Variants in USP33 observed in about 807,000 individuals in gnomAD.
USP33 encodes ubiquitin carboxyl-terminal hydrolase 33.
USP33 carries 46 observed loss-of-function variants against 124.2 expected under a neutral mutation model. That is an observed-to-expected ratio of 0.37 (90% CI 0.29 to 0.47). The LOEUF is 0.47. USP33 is among the 20% of genes least tolerant of loss of function. USP33 has a pLI of 0.99. For synonymous variants in USP33, 350 were observed against 352.3 expected, an observed-to-expected ratio of 0.99 and a Z score of 0.07; for missense variants, 851 against 1,070.6, an observed-to-expected ratio of 0.79 and a Z score of 2.86.
At chr1:77,716,993 G>C (rs1675989947) in intron 17 of USP33, among the ~76,000 whole-genome samples, 1 of 151,518 alleles carries the variant, frequency 6.6e-6, no homozygotes, top group South Asian at 2.1e-4. Flanking sequence ...AGCCTCCCGA[G>C]TAGCTGGGAT....
chr1:77,724,068 T>C (rs531664515), intron 11 of USP33, among the ~76,000 whole-genome samples: 1 of 152,088 alleles, frequency 6.6e-6, no homozygotes, highest in South Asian at 2.1e-4. Context: ...GCTTCATCAC[T>C]GGGATGTTTA....
chr1:77,737,830 G>C (rs1390025043), intron 5 of USP33, among the ~76,000 whole-genome samples: 1 of 152,164 alleles, frequency 6.6e-6, no homozygotes, highest in African/African-American at 2.4e-5. Context: ...AAGTGATGCT[G>C]ATAGTTTTGC....
chr1:77,711,642 A>C (rs1675274512), intron 21 of USP33, 105 bp downstream of exon 21: 4 of 1,516,144 alleles, frequency 2.6e-6, no homozygotes, highest in Non-Finnish European at 2.6e-6. Flanking sequence ...CTTGAAATCT[A>C]TTACAACTCT....
In USP33 at chr1:77,717,971, G is replaced by A. The variant is rs552478846; in HGVS notation, c.1814C>T (p.Pro605Leu). 29 of 1,613,724 alleles carry A rather than the reference G, an allele frequency of 1.8e-5. No homozygotes were observed. The highest frequency in any genetic ancestry group is 2.2e-5 in the East Asian group (1 of 44,878). Residue 605 changes from proline to leucine, a missense_variant, in exon 17 of 24, where the codon CCG (proline) becomes CTG (leucine). Around this residue, in one of 4 missense-constraint regions of USP33, gnomAD observed 281 missense variants for 425.0 expected, o/e 0.66. Coordinates refer to ENST00000370794, the MANE Select transcript of USP33 (RefSeq NM_201624.3). ...STKISTHVSF[P>L]LEGLDLQPFL... ...TGGCTGAAGATCCAAGCCTTCTAGCGGAAATGAAACATGGGTACTGATTTT... is the reference window on the plus strand; with the variant it reads ...TGGCTGAAGATCCAAGCCTTCTAGCAGAAATGAAACATGGGTACTGATTTT...
chr1:77,711,282 C>A (rs973747464), intron 21 of USP33, among the ~76,000 whole-genome samples: 2 of 151,980 alleles, frequency 1.3e-5, no homozygotes, highest in Admixed American at 6.6e-5. Flanking sequence ...AATCCCAGTA[C>A]TTTGTGGGGC....
At chr1:77,713,499 C>CCTG (rs1675505530) in intron 19 of USP33, 1 of 450,354 alleles carries the variant, frequency 2.2e-6, no homozygotes, top group East Asian at 4.6e-5. Flanking sequence ...ATCCTCCCAC[C>CCTG]CCAGCGTCCT....
chr1:77,737,171 C>T (rs1008648013), intron 5 of USP33, among the ~76,000 whole-genome samples: 1 of 152,020 alleles, frequency 6.6e-6, no homozygotes, highest in African/African-American at 2.4e-5. Context: ...TTCAGCAACA[C>T]CCAAACAGAG....
At position 77,701,485 on chromosome 1, in the gene USP33, A is replaced by G. The variant is rs747689177; in HGVS notation, c.2407-14T>C. ...CGCTCTGTTAAGCTACAAGGGGGAA[A>G]AAAAACAGTCATCTAATATCTAAAA... On this transcript the variant is annotated splice_polypyrimidine_tract_variant and intron_variant, in intron 21 of 23. Transcript: ENST00000370794. The G allele has an allele frequency of 2.5e-6, 4 of 1,594,040 alleles. No homozygotes were observed. Among genetic ancestry groups the G allele is most frequent in the African/African-American group, 1.4e-5 (1 of 74,012 alleles).
In USP33 at chr1:77,723,439, C is replaced by A; in HGVS notation, c.1281G>T (p.Gln427His). ...PGLAPPHKKA[Q>H]SASPKRKKQH... is the part of the protein sequence containing the mutation. ...GTTTTTTTCTCTTTGGAGATGCAGA[C>A]TGAGCTAGGATTGAAAAACATTAAA... Residue 427 changes from glutamine to histidine, a missense_variant, in exon 12 of 24, where the codon CAG becomes CAT. This residue lies in a region of USP33 where 207 missense variants were observed against 200.9 expected (regional missense o/e 1.03). Transcript: ENST00000370794. 1 of 1,602,198 alleles carries A rather than the reference C, an allele frequency of 6.2e-7. No homozygotes were observed.
chr1:77,740,764 A>C, intron 4 of USP33, 113 bp downstream of exon 4: 1 of 744,982 alleles, frequency 1.3e-6, no homozygotes, highest in Non-Finnish European at 2.3e-6. Flanking sequence ...GTGAAGTTTT[A>C]ACTTAGAGTG....
At chr1:77,731,488 C>T (rs1677801724) in intron 7 of USP33, among the ~76,000 whole-genome samples, 1 of 151,934 alleles carries the variant, frequency 6.6e-6, no homozygotes. Context: ...ACCAAACCTC[C>T]TATGAAGGCA....
At chr1:77,714,858 T>A in intron 18 of USP33, 75 bp from the exon 19 acceptor site, 1 of 1,447,044 alleles carries the variant, frequency 6.9e-7, no homozygotes, top group South Asian at 1.2e-5. Flanking sequence ...TTCTTCTTAT[T>A]AGACTTAACA....
intron 21 of USP33, among the ~76,000 whole-genome samples, chr1:77,703,954 G>T (rs1370340240): frequency 2.0e-5 from 3 of 151,978 alleles, no homozygotes; most frequent in Non-Finnish European, 4.4e-5. Context: ...GGGAGATCAA[G>T]GCTGCAAAAT....
intron 10 of USP33, among the ~76,000 whole-genome samples, chr1:77,727,704 A>G (rs1677320940): frequency 6.6e-6 from 1 of 152,238 alleles, no homozygotes; most frequent in South Asian, 2.1e-4. Flanking sequence ...CTAATGGCCC[A>G]ATTTTGTGTG....
chr1:77,742,304 G>A (rs1268806543), intron 1 of USP33, among the ~76,000 whole-genome samples: 1 of 152,026 alleles, frequency 6.6e-6, no homozygotes, highest in Non-Finnish European at 1.5e-5. Flanking sequence ...TGACACTTAG[G>A]GCCAGATAAT....
chr1:77,753,576 G>C (rs1680540178), intron 1 of USP33, among the ~76,000 whole-genome samples: 1 of 152,016 alleles, frequency 6.6e-6, no homozygotes, highest in South Asian at 2.1e-4. Context: ...TACAGAATAA[G>C]AGTGCCTCTC....
chr1:77,723,550 C>G, intron 11 of USP33, 107 bp from the exon 12 acceptor site: 1 of 685,742 alleles, frequency 1.5e-6, no homozygotes, highest in Non-Finnish European at 2.4e-6. Context: ...CTCTAGAATC[C>G]TTAAACTGTA....
At chr1:77,720,233 T>C (rs1676437336) in intron 15 of USP33, 1 of 750,998 alleles carries the variant, frequency 1.3e-6, no homozygotes, top group Non-Finnish European at 1.6e-6. Context: ...TAAAGGATGG[T>C]TATTATTATA....
chr1:77,721,501 C>G, intron 14 of USP33: 1 of 514,550 alleles, frequency 1.9e-6, no homozygotes, highest in African/African-American at 1.9e-5. Flanking sequence ...AGTGAATGAC[C>G]TTAAATGATA....
Sources: allele counts gnomAD v4.1 joint callset (sites outside exome capture counted in the v4.1 genomes callset), GRCh38; gene constraint gnomAD v4.1.1; regional missense constraint gnomAD v4.1.1; transcripts MANE v1.5; gene names NCBI Gene and HGNC (gene_info 2026-07-23, HGNC 2026-07-21).